The following LAMA3 variants were observed in gnomAD, a reference collection of about 807,000 sequenced individuals.
LAMA3 encodes the protein laminin subunit alpha-3.
In LAMA3, 281 loss-of-function variants were observed where a neutral mutation model predicts 402.0. That is an observed-to-expected ratio of 0.70 (90% confidence interval 0.63 to 0.77). LAMA3 has a LOEUF of 0.77. LAMA3 is among the 30% of genes least tolerant of loss of function. The pLI, the probability that LAMA3 is intolerant of heterozygous loss-of-function variation, is 0.00. For missense variants in LAMA3, 3,840 were observed against 4,215.5 expected (o/e 0.91, Z 2.47); for synonymous variants, 1,431 against 1,558.4 (o/e 0.92, Z 1.93).
At chr18:23,880,852 G>T (rs1027143297) in intron 39 of LAMA3, among the ~76,000 whole-genome samples, 2 of 152,126 alleles carry the variant, frequency 1.3e-5, no homozygotes, top group Non-Finnish European at 2.9e-5. Flanking sequence ...ACTCCAGCCC[G>T]GGCGACAGCA....
rs188353268 is a variant in LAMA3 at position 23,827,458 on chromosome 18, C to T, written c.2814C>T (p.Ser938=). Reference sequence around the variant, plus strand: ...CACACCCTGTCATGGTGGACCTCAGCGGGAGAGAGGTGGGCCAGCCTTTTA... The same window carrying T: ...CACACCCTGTCATGGTGGACCTCAGTGGGAGAGAGGTGGGCCAGCCTTTTA... ...TPAHPVMVDL[S]GREVELHLRL... is the part of the protein sequence containing the mutation. Residue 938 remains serine, a synonymous_variant, in exon 23 of 75, where the codon AGC becomes AGT. Transcript: ENST00000313654. The T allele has an allele frequency of 3.9e-5, 63 of 1,614,064 alleles. No homozygotes were observed. Among genetic ancestry groups the T allele is most frequent in the East Asian group, 3.1e-4 (14 of 44,880 alleles).
rs747663607 is a variant in LAMA3 at position 23,932,205 on chromosome 18, G to C, written c.8622G>C (p.Arg2874Ser). ...IDDQLLRNSK[R>S]LKHISSSRQS... ...ACCAGCTTCTGAGAAATAGCAAAAG[G>C]CTAAAACACATTTCAAGTTCCCGGC... The change falls in exon 66 of 75, where the codon AGG (arginine) becomes AGC (serine). Residue 2874 changes from arginine (R) to serine (S), a missense_variant. Arg to Ser is a moderately radical substitution (Grantham distance 110, BLOSUM62 -1). This residue lies in a region of LAMA3 where 840 missense variants were observed against 981.9 expected (regional missense o/e 0.86). Coordinates refer to ENST00000313654, the MANE Select transcript of LAMA3 (RefSeq NM_198129.4). 3.7e-6 allele frequency: 6 copies of C among 1,613,988 alleles called. No individual in the cohort carries two copies. Among genetic ancestry groups the C allele is most frequent in the Admixed American group, 1.7e-5 (1 of 60,000 alleles).
chr18:23,950,954 A>T (rs1041317827), intron 72 of LAMA3, among the ~76,000 whole-genome samples: 2 of 152,208 alleles, frequency 1.3e-5, no homozygotes, highest in Non-Finnish European at 2.9e-5. Flanking sequence ...TCTCAGGAAA[A>T]CAAATCAAGA....
In LAMA3 at chr18:23,753,794, T is replaced by A; in HGVS notation, c.929T>A (p.Ile310Lys). The part of the protein sequence containing the change: ...VCNGHAEVCN[I>K]NNPEKLFRCE... ...AATGGCCATGCTGAAGTGTGCAATATAAACAATCCTGAAAAACTGTAAGTA... is the reference window on the plus strand; with the variant it reads ...AATGGCCATGCTGAAGTGTGCAATAAAAACAATCCTGAAAAACTGTAAGTA... The change falls in exon 6 of 75, where the codon ATA (isoleucine) becomes AAA (lysine). Residue 310 changes from isoleucine (I) to lysine (K), a missense_variant. Ile to Lys is a moderately radical substitution (Grantham distance 102, BLOSUM62 -3). This residue lies in a region of LAMA3 where 2,109 missense variants were observed against 2,376.0 expected (regional missense o/e 0.89). Coordinates refer to ENST00000313654, the MANE Select transcript of LAMA3 (RefSeq NM_198129.4). 6.2e-7 allele frequency: 1 copy of A among 1,613,142 alleles called. No individual in the cohort carries two copies. Among genetic ancestry groups the A allele is most frequent in the East Asian group, 2.2e-5 (1 of 44,884 alleles).
chr18:23,806,344 T>C (rs1310153090), intron 12 of LAMA3, among the ~76,000 whole-genome samples: 7 of 152,228 alleles, frequency 4.6e-5, no homozygotes, highest in Non-Finnish European at 1.0e-4. Flanking sequence ...TCTTTTGAAG[T>C]GTAGCGCACC....
chr18:23,730,535 T>G (rs1342363357), intron 2 of LAMA3, among the ~76,000 whole-genome samples: 1 of 151,996 alleles, frequency 6.6e-6, no homozygotes, highest in East Asian at 1.9e-4. Flanking sequence ...GCCCAGCTAA[T>G]TTTTGTATTT....
chr18:23,719,279 G>T (rs965468228), intron 2 of LAMA3, among the ~76,000 whole-genome samples: 5 of 152,132 alleles, frequency 3.3e-5, no homozygotes, highest in African/African-American at 1.2e-4. Context: ...AGGATCACTT[G>T]AGCACAGGAG....
At chr18:23,795,081 C>T (rs773886554) in intron 12 of LAMA3, among the ~76,000 whole-genome samples, 1 of 152,188 alleles carries the variant, frequency 6.6e-6, no homozygotes, top group Non-Finnish European at 1.5e-5. Context: ...AGTGGAAAAG[C>T]GCAGCTCCAA....
intron 67 of LAMA3, among the ~76,000 whole-genome samples, chr18:23,934,887 A>C (rs1188582164): frequency 1.3e-5 from 2 of 152,254 alleles, no homozygotes; most frequent in Admixed American, 6.5e-5. Context: ...TCCCCACTGC[A>C]CAATGATTTG....
At chr18:23,860,919 T>C (rs906543312) in intron 34 of LAMA3, among the ~76,000 whole-genome samples, 6 of 152,080 alleles carry the variant, frequency 3.9e-5, no homozygotes, top group African/African-American at 1.4e-4. Context: ...CTTGAACTCC[T>C]GACCTCAGGT....
chr18:23,710,323 A>G, intron 1 of LAMA3: 1 of 465,388 alleles, frequency 2.1e-6, no homozygotes, highest in East Asian at 4.8e-5. Context: ...TTTCAAAAGT[A>G]TTGTCAGGTA....
At chr18:23,710,284 C>T (rs2060967263) in intron 1 of LAMA3, 2 of 527,072 alleles carry the variant, frequency 3.8e-6, no homozygotes, top group East Asian at 4.1e-5. Flanking sequence ...GCCTTCGGCG[C>T]CATCTTGTGA....
intron 12 of LAMA3, among the ~76,000 whole-genome samples, chr18:23,795,725 TA>T (rs749005027): frequency 1.2e-4 from 18 of 150,968 alleles, no homozygotes; most frequent in Non-Finnish European, 2.1e-4. Context: ...AAAATATATA[TA>T]TTTTTTTTAA....
At chr18:23,699,780 A>T (rs1233904000) in intron 1 of LAMA3, among the ~76,000 whole-genome samples, 1 of 152,180 alleles carries the variant, frequency 6.6e-6, no homozygotes, top group Non-Finnish European at 1.5e-5. Flanking sequence ...CTCCATCTTG[A>T]GTGACAGCTA....
intron 2 of LAMA3, among the ~76,000 whole-genome samples, chr18:23,726,241 G>A (rs2061298229): frequency 6.6e-6 from 1 of 152,210 alleles, no homozygotes; most frequent in Non-Finnish European, 1.5e-5. Flanking sequence ...TGAAATCCAG[G>A]TGGTGTCTCC....
intron 43 of LAMA3, among the ~76,000 whole-genome samples, 184 bp from the exon 44 acceptor site, chr18:23,894,723 T>A (rs899748147): frequency 1.3e-5 from 2 of 152,238 alleles, no homozygotes; most frequent in African/African-American, 4.8e-5. Flanking sequence ...ATTTCTAAAA[T>A]GCTCCCTGTG....
At chr18:23,860,129 T>A (rs555129806) in intron 34 of LAMA3, among the ~76,000 whole-genome samples, 18 of 152,308 alleles carry the variant, frequency 1.2e-4, no homozygotes, top group African/African-American at 4.3e-4. Flanking sequence ...AATAGCCAAA[T>A]CCGCATCTCT....
At chr18:23,857,760 A>T in intron 32 of LAMA3, 84 bp from the exon 33 acceptor site, 3 of 1,564,706 alleles carry the variant, frequency 1.9e-6, no homozygotes, top group South Asian at 1.1e-5. Flanking sequence ...TTTGCACACC[A>T]ATTAGTCCAC....
At chr18:23,793,842 A>G (rs1461407992) in intron 12 of LAMA3, among the ~76,000 whole-genome samples, 1 of 152,150 alleles carries the variant, frequency 6.6e-6, no homozygotes, top group East Asian at 1.9e-4. Context: ...TCCTTCCCTC[A>G]CCATCAGTTG....
Sources: allele counts gnomAD v4.1 joint callset (sites outside exome capture counted in the v4.1 genomes callset), GRCh38; gene constraint gnomAD v4.1.1; regional missense constraint gnomAD v4.1.1; transcripts MANE v1.5; gene names NCBI Gene and HGNC (gene_info 2026-07-23, HGNC 2026-07-21).